Variants in SFMBT2 observed in about 807,000 individuals in gnomAD.
SFMBT2 encodes scm-like with four MBT domains protein 2.
Under a neutral mutation model 110.1 loss-of-function variants are expected in SFMBT2, and 38 were observed. The observed-to-expected ratio is 0.35, with a 90% CI of 0.27 to 0.45. SFMBT2 has a LOEUF of 0.45. SFMBT2 is among the 20% of genes least tolerant of loss of function. The pLI is 1.00. For missense variants in SFMBT2, 1,011 were observed against 1,094.9 expected (o/e 0.92, Z 1.08); for synonymous variants, 425 against 425.4 (o/e 1.00, Z 0.01).
chr10:7,164,352 C>T (rs532292026), intron 20 of SFMBT2: 1 of 915,966 alleles, frequency 1.1e-6, no homozygotes, highest in African/African-American at 1.8e-5. Flanking sequence ...TACCACTGCC[C>T]TCCAGCCTGG....
chr10:7,342,522 C>A (rs1300852237), intron 4 of SFMBT2, among the ~76,000 whole-genome samples: 1 of 149,984 alleles, frequency 6.7e-6, no homozygotes, highest in East Asian at 2.0e-4. Flanking sequence ...CATTCTCCTG[C>A]CTCAGCCTCC....
chr10:7,231,073 C>G (rs903884309), intron 9 of SFMBT2, among the ~76,000 whole-genome samples: 1 of 152,154 alleles, frequency 6.6e-6, no homozygotes, highest in Non-Finnish European at 1.5e-5. Context: ...TCCCCCAACT[C>G]TCTGTGGTTA....
chr10:7,255,729 A>G (rs1430623336), intron 7 of SFMBT2, among the ~76,000 whole-genome samples: 1 of 152,116 alleles, frequency 6.6e-6, no homozygotes, highest in Non-Finnish European at 1.5e-5. Flanking sequence ...TTCCCTCCAG[A>G]GCCTGAGCAG....
At position 7,384,624 on chromosome 10, in the gene SFMBT2, G is replaced by A. The variant is rs78123356; in HGVS notation, c.-51-2675C>T. On this transcript the variant is annotated intron_variant, in intron 1 of 20. Coordinates refer to ENST00000397167, the MANE Select transcript of SFMBT2 (RefSeq NM_001387889.1). ...TAGCTGGAATCGACACTAAATGAAG[G>A]AACCTTTTAACAGCTGGAGGGGTTC... Among the ~76,000 whole-genome samples, 1,005 of 152,238 alleles carry A rather than the reference G, an allele frequency of 6.6e-3. 35 individuals carry two copies. Among genetic ancestry groups the A allele is most frequent in the Admixed American group, 0.059 (895 of 15,294 alleles).
Position 7,227,939 on chromosome 10 carries a change from T to C in SFMBT2, c.1121-2A>G. 1 of 1,581,134 alleles carries C rather than the reference T, an allele frequency of 6.3e-7. No homozygotes were observed. Among genetic ancestry groups the C allele is most frequent in the Non-Finnish European group, 8.6e-7 (1 of 1,169,298 alleles). ...AGTCGAAGTCCTGGCCAGAGTAACC[T>C]GGGAATGACAAAACACAGATAAAAC... On this transcript the variant is annotated splice_acceptor_variant, in intron 9 of 20. Coordinates refer to ENST00000397167, the MANE Select transcript of SFMBT2 (RefSeq NM_001387889.1). LOFTEE classifies it high-confidence loss of function.
rs1360330246 is a variant in SFMBT2, at chr10:7,408,578, C to T, written c.-52+2283G>A. On this transcript the variant is annotated intron_variant, in intron 1 of 20. Transcript: ENST00000397167. This position sits in a 1 kb window ranked among gnomAD's most constrained non-coding sequence, Gnocchi z 5.7. ...ACCTGCCCCCGCCAGCCCCGGGGAC[C>T]GTGCGCGGCCTCCGTGTGGCCCCCG... Among the ~76,000 whole-genome samples the T allele has an allele frequency of 1.3e-5, 2 of 152,196 alleles. No homozygotes were observed. The highest frequency in any genetic ancestry group is 2.4e-5 in the African/African-American group (1 of 41,460).
chr10:7,405,032 T>C (rs1478493395), intron 1 of SFMBT2, among the ~76,000 whole-genome samples: 1 of 152,236 alleles, frequency 6.6e-6, no homozygotes, highest in African/African-American at 2.4e-5. Context: ...CCAACACTTG[T>C]TTTAGCCAAC....
intron 1 of SFMBT2, among the ~76,000 whole-genome samples, chr10:7,406,476 A>AAG (rs1846211396): frequency 6.6e-6 from 1 of 151,714 alleles, no homozygotes; most frequent in Admixed American, 6.6e-5. Flanking sequence ...AAAAAAAAAA[A>AAG]AAAAAGCCAC....
At chr10:7,234,213 A>AAACAAAC (rs1554790990) in intron 9 of SFMBT2, among the ~76,000 whole-genome samples, 55 of 152,042 alleles carry the variant, frequency 3.6e-4, no homozygotes, top group Admixed American at 4.6e-4. Context: ...GTGCAGGAAA[A>AAACAAAC]AAACAAACAA....
At chr10:7,233,334 A>T (rs947440483) in intron 9 of SFMBT2, among the ~76,000 whole-genome samples, 1 of 152,198 alleles carries the variant, frequency 6.6e-6, no homozygotes, top group African/African-American at 2.4e-5. Flanking sequence ...AGTAACAGAC[A>T]CACAGCCTGA....
At chr10:7,374,228 C>T (rs1442337176) in intron 2 of SFMBT2, among the ~76,000 whole-genome samples, 1 of 152,150 alleles carries the variant, frequency 6.6e-6, no homozygotes, top group East Asian at 1.9e-4. Flanking sequence ...TGCCACTACA[C>T]TCTAGACTGG....
At chr10:7,168,692 A>G (rs1474372813) in intron 20 of SFMBT2, among the ~76,000 whole-genome samples, 2 of 152,284 alleles carry the variant, frequency 1.3e-5, no homozygotes, top group Non-Finnish European at 2.9e-5. Context: ...CGCTTTACAC[A>G]GCATTTCAAC....
chr10:7,404,358 G>A (rs1183671708), intron 1 of SFMBT2, among the ~76,000 whole-genome samples: 3 of 152,178 alleles, frequency 2.0e-5, no homozygotes, highest in Admixed American at 6.5e-5. Flanking sequence ...AAATGGAGGG[G>A]AAAGAAAACA....
intron 4 of SFMBT2, among the ~76,000 whole-genome samples, chr10:7,317,831 C>T (rs1307489854): frequency 6.6e-6 from 1 of 152,058 alleles, no homozygotes; most frequent in Non-Finnish European, 1.5e-5. Flanking sequence ...CAAGGAAATG[C>T]ACAAAAACCC....
rs187440126 is a variant in SFMBT2, at chr10:7,273,065, G to A, written c.870+3827C>T. Among the ~76,000 whole-genome samples, 1,035 of 152,290 alleles carry A rather than the reference G, an allele frequency of 6.8e-3. 14 individuals carry two copies. Among genetic ancestry groups the A allele is most frequent in the African/African-American group, 0.022 (919 of 41,556 alleles). On this transcript the variant is annotated intron_variant, in intron 7 of 20. Transcript: ENST00000397167. ...CCGTCTCGGCCTCCCAAAGTGCTGC[G>A]CTTACAGGCGTGAGCCACCAACGCC...
At chr10:7,376,873 CAT>C (rs1845236141) in intron 2 of SFMBT2, among the ~76,000 whole-genome samples, 2 of 101,334 alleles carry the variant, frequency 2.0e-5, no homozygotes, top group African/African-American at 7.4e-5. Context: ...AAAAAACAAA[CAT>C]AAGAGAAAAC....
At chr10:7,349,895 G>A (rs1387466951) in intron 4 of SFMBT2, among the ~76,000 whole-genome samples, 2 of 152,118 alleles carry the variant, frequency 1.3e-5, no homozygotes, top group Non-Finnish European at 2.9e-5. Context: ...TGAAGATGCC[G>A]ATGCAAAAAT....
At chr10:7,336,755 A>C (rs1308111284) in intron 4 of SFMBT2, among the ~76,000 whole-genome samples, 1 of 152,196 alleles carries the variant, frequency 6.6e-6, no homozygotes, top group African/African-American at 2.4e-5. Flanking sequence ...CAAATGAAAA[A>C]TGTAACAAAT....
At chr10:7,319,310 C>T (rs1210379089) in intron 4 of SFMBT2, among the ~76,000 whole-genome samples, 1 of 152,198 alleles carries the variant, frequency 6.6e-6, no homozygotes, top group Non-Finnish European at 1.5e-5. Context: ...CGGCGTTCTG[C>T]AAAAGCATTA....
Sources: allele counts gnomAD v4.1 joint callset (sites outside exome capture counted in the v4.1 genomes callset), GRCh38; gene constraint gnomAD v4.1.1; non-coding constraint Gnocchi (gnomAD v3.1); transcripts MANE v1.5; gene names NCBI Gene and HGNC (gene_info 2026-07-23, HGNC 2026-07-21).